Variants in BNC2 observed in about 807,000 individuals in gnomAD.
The protein encoded by BNC2 is basonuclin zinc finger protein 2.
A neutral mutation model predicts 76.3 loss-of-function variants in BNC2; 20 were observed. The observed-to-expected ratio is 0.26, with a 90% CI of 0.18 to 0.38. The LOEUF is 0.38. Among genes scored for constraint, BNC2 ranks in the 10% least tolerant of loss-of-function variants. The pLI is 1.00. For missense variants in BNC2, 1,382 were observed against 1,399.8 expected, an observed-to-expected ratio of 0.99 and a Z score of 0.20; for synonymous variants, 582 against 514.8, an observed-to-expected ratio of 1.13 and a Z score of -1.77.
intron 1 of BNC2, among the ~76,000 whole-genome samples, chr9:16,758,834 T>A (rs1004439357): frequency 2.6e-5 from 4 of 152,180 alleles, no homozygotes; most frequent in Non-Finnish European, 5.9e-5. Context: ...TATCCATCAA[T>A]CTTATTATCA....
chr9:16,738,310 A>C (rs1309447370), intron 2 of BNC2, 50 bp downstream of exon 2: 32 of 1,592,142 alleles, frequency 2.0e-5, no homozygotes, highest in Non-Finnish European at 2.7e-5. Flanking sequence ...TAATCAAAGA[A>C]TGCAAGTGTG....
At chr9:16,719,585 C>T (rs1824087574) in intron 3 of BNC2, among the ~76,000 whole-genome samples, 2 of 152,100 alleles carry the variant, frequency 1.3e-5, no homozygotes, top group African/African-American at 4.8e-5. Context: ...TCATGACAGT[C>T]TCAAAAAAGC....
intron 1 of BNC2, among the ~76,000 whole-genome samples, chr9:16,846,819 T>G (rs963676827): frequency 6.6e-6 from 1 of 152,184 alleles, no homozygotes; most frequent in African/African-American, 2.4e-5. Context: ...TTTGAAAACT[T>G]TGAGTAAAAA....
At chr9:16,696,059 C>G (rs978057091) in intron 3 of BNC2, among the ~76,000 whole-genome samples, 1 of 152,152 alleles carries the variant, frequency 6.6e-6, no homozygotes, top group Non-Finnish European at 1.5e-5. Context: ...CCTCAGCTGT[C>G]CCCCACACAC....
chr9:16,563,910 G>A (rs1339006737), intron 4 of BNC2, among the ~76,000 whole-genome samples: 1 of 152,084 alleles, frequency 6.6e-6, no homozygotes, highest in African/African-American at 2.4e-5. Context: ...GTTAAAATTA[G>A]TAATATTTAT....
chr9:16,860,520 T>C (rs189587869), intron 1 of BNC2, among the ~76,000 whole-genome samples: 2 of 152,280 alleles, frequency 1.3e-5, no homozygotes, highest in Admixed American at 6.5e-5. Flanking sequence ...CCTCATACTA[T>C]TTACAGAAGT....
At chr9:16,837,993 G>C (rs1027363376) in intron 1 of BNC2, among the ~76,000 whole-genome samples, 1 of 151,868 alleles carries the variant, frequency 6.6e-6, no homozygotes, top group Admixed American at 6.6e-5. Flanking sequence ...TATGATACCT[G>C]GTATAAAAAC....
chr9:16,682,041 G>C (rs1347532890), intron 3 of BNC2, among the ~76,000 whole-genome samples: 2 of 151,876 alleles, frequency 1.3e-5, no homozygotes, highest in Non-Finnish European at 1.5e-5. Flanking sequence ...AAAAAAAAAA[G>C]AGAGAGTGAA....
chr9:16,673,901 T>C (rs1261911009), intron 3 of BNC2, among the ~76,000 whole-genome samples: 1 of 152,232 alleles, frequency 6.6e-6, no homozygotes, highest in Non-Finnish European at 1.5e-5. Flanking sequence ...GTGACTGTTA[T>C]AATACCTTGC....
At position 16,841,532 on chromosome 9, in the gene BNC2, G is replaced by A. The variant is rs536946610; in HGVS notation, c.3+29114C>T. 5.9e-4 allele frequency among the ~76,000 whole-genome samples: 6 copies of A among 10,186 alleles called. No homozygotes were observed. The South Asian group carries it at 0.077, about 131-fold the overall frequency. 6.7% of individuals were successfully genotyped at this position (10,186 alleles called of 152,430 possible). On this transcript the variant is annotated intron_variant, in intron 1 of 6. Coordinates refer to ENST00000380672, the MANE Select transcript of BNC2 (RefSeq NM_017637.6). ...TAATCAAACCATCATATCATCAAAA[G>A]CTAATCAAACCAGGGCATAAGGTCT...
chr9:16,706,249 G>A (rs1261051712), intron 3 of BNC2, among the ~76,000 whole-genome samples: 1 of 152,142 alleles, frequency 6.6e-6, no homozygotes, highest in Non-Finnish European at 1.5e-5. Context: ...CTTCCAGATT[G>A]TCTTTTTCTG....
intron 5 of BNC2, among the ~76,000 whole-genome samples, chr9:16,454,014 G>A (rs1448144915): frequency 2.6e-5 from 4 of 152,112 alleles, no homozygotes; most frequent in Admixed American, 2.0e-4. Flanking sequence ...TTTTGCTTAT[G>A]CTACCTCTTC....
At chr9:16,770,163 T>C (rs1473695468) in intron 1 of BNC2, among the ~76,000 whole-genome samples, 2 of 152,120 alleles carry the variant, frequency 1.3e-5, no homozygotes, top group South Asian at 2.1e-4. Context: ...CTGGAAGGTA[T>C]GGGCCAAATC....
chr9:16,731,324 C>T (rs375470328), intron 2 of BNC2, among the ~76,000 whole-genome samples: 2 of 152,102 alleles, frequency 1.3e-5, no homozygotes, highest in African/African-American at 4.8e-5. Flanking sequence ...ACTTAAAGGC[C>T]ATCTGTTGGC....
At chr9:16,795,601 A>G (rs1308549332) in intron 1 of BNC2, among the ~76,000 whole-genome samples, 1 of 152,040 alleles carries the variant, frequency 6.6e-6, no homozygotes, top group African/African-American at 2.4e-5. Context: ...CCATTAACCA[A>G]CATTCCCAGG....
chr9:16,657,858 T>C (rs1821975765), intron 3 of BNC2, among the ~76,000 whole-genome samples: 1 of 152,188 alleles, frequency 6.6e-6, no homozygotes, highest in Non-Finnish European at 1.5e-5. Flanking sequence ...TGGGGGCTAC[T>C]TGGGATACAT....
intron 5 of BNC2, among the ~76,000 whole-genome samples, chr9:16,539,470 C>A (rs1477784256): frequency 6.7e-6 from 1 of 149,294 alleles, no homozygotes; most frequent in East Asian, 2.0e-4. Context: ...GGAGGCTGTA[C>A]TGAGCCAAGA....
chr9:16,507,609 A>G (rs1221895922), intron 5 of BNC2, among the ~76,000 whole-genome samples: 18 of 152,018 alleles, frequency 1.2e-4, no homozygotes, highest in Admixed American at 1.2e-3. Context: ...TTGTATTTTT[A>G]GTAGAGACAG....
chr9:16,846,013 G>A (rs949630985), intron 1 of BNC2, among the ~76,000 whole-genome samples: 12 of 151,856 alleles, frequency 7.9e-5, no homozygotes, highest in African/African-American at 2.2e-4. Flanking sequence ...AGCTGGCCGC[G>A]GTGGCGGGCA....
Sources: gnomAD v4.1 joint callset for allele counts (sites outside exome capture counted in the v4.1 genomes callset) on GRCh38, gnomAD v4.1.1 for gene constraint, MANE v1.5 for transcripts, NCBI Gene and HGNC (gene_info 2026-07-23, HGNC 2026-07-21) for gene names.